The following ENKUR variants were observed in gnomAD, a reference collection of about 807,000 sequenced individuals.
The protein encoded by ENKUR is enkurin.
Under a neutral mutation model 27.6 loss-of-function variants are expected in ENKUR, and 19 were observed. The observed-to-expected ratio is 0.69, with a 90% CI of 0.48 to 1.01. The LOEUF (loss-of-function observed/expected upper bound fraction) is 1.01, where lower values mean the gene tolerates loss of function less well. Ranked by LOEUF, ENKUR falls within the 50% of genes least tolerant of loss-of-function variation. The probability of loss-of-function intolerance (pLI) is 0.00; values close to 1 mark genes in which losing one functional copy is unlikely to be tolerated. For synonymous variants in ENKUR, 117 were observed against 96.9 expected (o/e 1.21, Z -1.22); for missense variants, 312 against 310.5 (o/e 1.00, Z -0.04).
At chr10:25,061,596 C>G (rs1024585379) in intron 1 of ENKUR, among the ~76,000 whole-genome samples, 1 of 152,240 alleles carries the variant, frequency 6.6e-6, no homozygotes, top group African/African-American at 2.4e-5. Context: ...CAAATGCTGG[C>G]TATGGCTAAA....
chr10:25,027,356 T>TAAAAAAAAAAAAAAAAAAAAAAA lies in ENKUR; in HGVS notation c.38-31488_38-31487insTTTTTTTTTTTTTTTTTTTTTTT, dbSNP rs1564352066. Among the ~76,000 whole-genome samples the TAAAAAAAAAAAAAAAAAAAAAAA allele has an allele frequency of 7.4e-4, 34 of 45,734 alleles. 5 individuals are homozygous for TAAAAAAAAAAAAAAAAAAAAAAA. The highest frequency in any genetic ancestry group is 1.4e-3 in the Admixed American group (5 of 3,478). The allele number at this position is 45,734 out of a possible 152,430, so 30.0% of individuals were successfully genotyped here. ...TGGGTGACAGAGCAAGACTCCCGTC[T>TAAAAAAAAAAAAAAAAAAAAAAA]CAAAAAAAAAAAAAAAAAAAAAAAA... On this transcript the variant is annotated intron_variant, in intron 2 of 5. Coordinates refer to the ENKUR transcript ENST00000615958.
At chr10:25,003,290 T>C (rs1402376725) in intron 1 of ENKUR, among the ~76,000 whole-genome samples, 1 of 152,166 alleles carries the variant, frequency 6.6e-6, no homozygotes, top group Non-Finnish European at 1.5e-5. Flanking sequence ...CACTGTAACC[T>C]CTGTCTCCTG....
intron 2 of ENKUR, chr10:25,023,213 G>A: frequency 1.3e-6 from 2 of 1,597,618 alleles, no homozygotes; most frequent in South Asian, 1.1e-5. Flanking sequence ...GGGCAGAAAA[G>A]TGAAAAGAGA....
chr10:25,059,542 A>G (rs1029956709), intron 2 of ENKUR, among the ~76,000 whole-genome samples: 21 of 152,308 alleles, frequency 1.4e-4, no homozygotes, highest in African/African-American at 5.1e-4. Context: ...CAACACCTCC[A>G]TGAGGGAGCA....
rs1849746711 is a variant in ENKUR at position 24,984,846 on chromosome 10, T to C, written c.654A>G (p.Ile218Met). 1 of 1,613,676 alleles carries C rather than the reference T, an allele frequency of 6.2e-7. No individual in the cohort carries two copies. The highest frequency in any genetic ancestry group is 8.5e-7 in the Non-Finnish European group (1 of 1,179,820). Residue 218 changes from isoleucine to methionine, a missense_variant, in exon 5 of 6, where the codon ATA becomes ATG. Physicochemically the swap from Ile to Met is conservative, Grantham distance 10. Coordinates refer to ENST00000331161, the MANE Select transcript of ENKUR (RefSeq NM_145010.4). ...TGCGGATCTTCTTTGGTATAGAATC[T>C]ATAAAGACCGAGAGGGACTGGAATT... Reference protein sequence around the residue: ...HKEFQSLSVFIDSIPKKIRKQ... With the variant: ...HKEFQSLSVFMDSIPKKIRKQ...
At chr10:25,008,912 A>T (rs1283245323) in intron 1 of ENKUR, among the ~76,000 whole-genome samples, 1 of 152,252 alleles carries the variant, frequency 6.6e-6, no homozygotes, top group Non-Finnish European at 1.5e-5. Context: ...TATACCATGG[A>T]ATACTATGCA....
intron 2 of ENKUR, among the ~76,000 whole-genome samples, chr10:25,022,817 A>G (rs928339237): frequency 2.6e-5 from 4 of 152,190 alleles, no homozygotes; most frequent in Non-Finnish European, 5.9e-5. Context: ...AATTTTCATT[A>G]AAAGATCTCA....
chr10:25,021,932 TA>T (rs1417063957), intron 2 of ENKUR: 2 of 152,210 alleles, frequency 1.3e-5, no homozygotes, highest in Non-Finnish European at 2.9e-5. Flanking sequence ...AGAGTTAGCT[TA>T]AAATCATTTA....
chr10:25,057,389 ACACAC>A lies in ENKUR; in HGVS notation c.37+3718_37+3722del, dbSNP rs1211811742. Among the ~76,000 whole-genome samples the A allele has an allele frequency of 7.7e-3, 861 of 111,902 alleles. 11 individuals are homozygous for A. The highest frequency in any genetic ancestry group is 0.028 in the African/African-American group (830 of 29,174). The allele number at this position is 111,902 out of a possible 152,430, so 73.4% of individuals were successfully genotyped here. ...ACCCTCTGCACTTTGGTACACACAC[ACACAC>A]ACACACACACACACACACACACACA... On this transcript the variant is annotated intron_variant, in intron 2 of 5. Coordinates refer to the ENKUR transcript ENST00000615958.
At chr10:25,012,059 C>T (rs753818538) in intron 1 of ENKUR, among the ~76,000 whole-genome samples, 6 of 152,332 alleles carry the variant, frequency 3.9e-5, no homozygotes, top group East Asian at 3.9e-4. Flanking sequence ...AAGGGGACAA[C>T]GTAGAGCTCA....
At chr10:25,012,755 T>C (rs930452185) in intron 1 of ENKUR, among the ~76,000 whole-genome samples, 3 of 152,250 alleles carry the variant, frequency 2.0e-5, no homozygotes, top group African/African-American at 4.8e-5. Flanking sequence ...TTGCCTGGTC[T>C]CAAATGAGAC....
intron 1 of ENKUR, among the ~76,000 whole-genome samples, chr10:25,001,315 CT>C (rs895332861): frequency 2.0e-5 from 3 of 151,136 alleles, no homozygotes; most frequent in South Asian, 2.1e-4. Flanking sequence ...CTGTTTTAAA[CT>C]TTTTTTCTCT....
chr10:25,012,117 A>G (rs1163563837), intron 1 of ENKUR, among the ~76,000 whole-genome samples: 1 of 152,260 alleles, frequency 6.6e-6, no homozygotes, highest in Non-Finnish European at 1.5e-5. Flanking sequence ...TGGCTTCCAC[A>G]TGGTGTTGGG....
chr10:25,022,808 A>G (rs1850751294), intron 2 of ENKUR, among the ~76,000 whole-genome samples: 1 of 152,130 alleles, frequency 6.6e-6, no homozygotes, highest in Non-Finnish European at 1.5e-5. Context: ...CCATGAAATA[A>G]TTTTCATTAA....
intron 2 of ENKUR, among the ~76,000 whole-genome samples, chr10:25,036,782 A>C (rs1851013921): frequency 1.3e-5 from 2 of 152,140 alleles, no homozygotes; most frequent in South Asian, 4.1e-4. Context: ...TAATCTCCCT[A>C]CCACATAGAG....
At chr10:25,041,602 C>A (rs1338981111) in intron 2 of ENKUR, among the ~76,000 whole-genome samples, 1 of 152,022 alleles carries the variant, frequency 6.6e-6, no homozygotes, top group Non-Finnish European at 1.5e-5. Context: ...GTTTTACAGT[C>A]TTTTTCTCTG....
chr10:24,999,274 A>G (rs1218974848), intron 2 of ENKUR, 127 bp downstream of exon 2: 10 of 924,092 alleles, frequency 1.1e-5, no homozygotes, highest in African/African-American at 3.4e-5. Context: ...TCTCCTAGTC[A>G]AATTCTGTTT....
rs559105282 is a variant in ENKUR at position 24,990,423 on chromosome 10, C to G, written c.594+40G>C. On this transcript the variant is annotated intron_variant, in intron 4 of 5. Coordinates refer to ENST00000331161, the MANE Select transcript of ENKUR (RefSeq NM_145010.4). Reference sequence around the variant, plus strand: ...GGTACACCTTTCTTTCAGAGATGATCCAAAGAGTTACAGATGAATGTAAAT... The same window carrying G: ...GGTACACCTTTCTTTCAGAGATGATGCAAAGAGTTACAGATGAATGTAAAT... 5 of 1,579,098 alleles carry G rather than the reference C, an allele frequency of 3.2e-6. No homozygotes were observed. In the Admixed American group the frequency reaches 5.9e-5, roughly 19 times the overall value.
intron 2 of ENKUR, among the ~76,000 whole-genome samples, chr10:25,043,563 T>C (rs1242799742): frequency 6.6e-6 from 1 of 152,164 alleles, no homozygotes; most frequent in Non-Finnish European, 1.5e-5. Context: ...AATATGCCTA[T>C]GAATTTTTTT....
Sources: gnomAD v4.1 joint callset for allele counts (sites outside exome capture counted in the v4.1 genomes callset) on GRCh38, gnomAD v4.1.1 for gene constraint, MANE v1.5 for transcripts, NCBI Gene and HGNC (gene_info 2026-07-23, HGNC 2026-07-21) for gene names.